The following MAGI1 variants were observed in gnomAD, a reference collection of about 807,000 sequenced individuals.
The protein encoded by MAGI1 is membrane-associated guanylate kinase, WW and PDZ domain-containing protein 1.
In MAGI1, 58 loss-of-function variants were observed where a neutral mutation model predicts 139.9. The observed-to-expected ratio is 0.41, with a 90% confidence interval of 0.34 to 0.52. The LOEUF (loss-of-function observed/expected upper bound fraction) is 0.52. MAGI1 is among the 20% of genes least tolerant of loss of function. MAGI1 has a pLI of 0.12. For missense variants in MAGI1, 1,874 were observed against 1,901.6 expected (o/e 0.99, Z 0.27); for synonymous variants, 812 against 737.9 (o/e 1.10, Z -1.63).
chr3:65,965,313 A>G (rs1373227030), intron 1 of MAGI1, among the ~76,000 whole-genome samples: 1 of 152,114 alleles, frequency 6.6e-6, no homozygotes, highest in Non-Finnish European at 1.5e-5. Context: ...ATTCCACGTT[A>G]CCCTTTTTAA....
chr3:66,022,246 A>T (rs1012689059), intron 1 of MAGI1, among the ~76,000 whole-genome samples: 3 of 152,194 alleles, frequency 2.0e-5, no homozygotes, highest in African/African-American at 7.2e-5. Context: ...AAAATGTCGC[A>T]GAAACAAATT....
At chr3:65,715,222 A>C (rs1042806780) in intron 1 of MAGI1, among the ~76,000 whole-genome samples, 7 of 152,214 alleles carry the variant, frequency 4.6e-5, no homozygotes, top group African/African-American at 1.7e-4. Context: ...TCAGATGCTA[A>C]ATTGGTGTAA....
intron 2 of MAGI1, among the ~76,000 whole-genome samples, chr3:65,528,542 T>C (rs2107831565): frequency 6.6e-6 from 1 of 152,330 alleles, no homozygotes; most frequent in Admixed American, 6.5e-5. Context: ...CAGAACCATC[T>C]GCATCTCAAT....
At position 65,430,850 on chromosome 3, in the gene MAGI1, C is replaced by A. The variant is rs531375857; in HGVS notation, c.1395G>T (p.Glu465Asp). ...GKPFFTRNPS[E>D]LKGKFIHTKL... ...TTGTGTGAATGAACTTGCCTTTCAA[C>A]TCAGAAGGGTTTCGTGTAAAAAAGG... Residue 465 changes from glutamate to aspartate, a missense_variant, in exon 11 of 23, where the codon GAG becomes GAT. Around this residue, in one of 5 missense-constraint regions of MAGI1, gnomAD observed 648 missense variants for 598.1 expected, o/e 1.08. Transcript: ENST00000402939. 1.2e-5 allele frequency: 19 copies of A among 1,613,442 alleles called. 1 individual carries two copies. The South Asian group carries it at 1.6e-4, about 14-fold the overall frequency.
At chr3:65,515,596 AATGTAGAATCT>A (rs2077829573) in intron 2 of MAGI1, among the ~76,000 whole-genome samples, 11 of 152,202 alleles carry the variant, frequency 7.2e-5, no homozygotes, top group Admixed American at 4.6e-4. Context: ...TGCTGTAGAC[AATGTAGAATCT>A]ACGAAAGAAC....
At chr3:65,935,075 G>C (rs921724497) in intron 1 of MAGI1, among the ~76,000 whole-genome samples, 1 of 152,132 alleles carries the variant, frequency 6.6e-6, no homozygotes. Flanking sequence ...AAGAAGAGAG[G>C]TTACAGTTCC....
chr3:66,013,779 A>C (rs2067474226), intron 1 of MAGI1, among the ~76,000 whole-genome samples: 2 of 151,992 alleles, frequency 1.3e-5, no homozygotes, highest in Admixed American at 1.3e-4. Flanking sequence ...AAAAAAAAGA[A>C]AGAAAGAAAT....
At chr3:65,726,518 G>A (rs949769207) in intron 1 of MAGI1, among the ~76,000 whole-genome samples, 3 of 152,146 alleles carry the variant, frequency 2.0e-5, no homozygotes, top group South Asian at 2.1e-4. Flanking sequence ...TTATGTTGAG[G>A]TATCAAGTTT....
chr3:65,399,550 G>A (rs1009624823), intron 13 of MAGI1, among the ~76,000 whole-genome samples: 1 of 152,184 alleles, frequency 6.6e-6, no homozygotes, highest in African/African-American at 2.4e-5. Context: ...CCCAAGCTGG[G>A]GGCTTATTAT....
At chr3:65,748,598 C>A (rs1253062081) in intron 1 of MAGI1, among the ~76,000 whole-genome samples, 2 of 152,180 alleles carry the variant, frequency 1.3e-5, no homozygotes, top group African/African-American at 4.8e-5. Flanking sequence ...ATTGTTTCAG[C>A]TGATACTTAT....
intron 1 of MAGI1, among the ~76,000 whole-genome samples, chr3:65,648,316 TGC>T (rs1553685618): frequency 1.9e-4 from 27 of 143,134 alleles, no homozygotes; most frequent in Non-Finnish European, 3.3e-4. Flanking sequence ...TGTGTGTGTG[TGC>T]GCGTGCGCGT....
At chr3:65,435,851 G>A (rs1367616121) in intron 10 of MAGI1, among the ~76,000 whole-genome samples, 1 of 152,078 alleles carries the variant, frequency 6.6e-6, no homozygotes, top group Non-Finnish European at 1.5e-5. Flanking sequence ...GCAAACAGAA[G>A]GAACAGCCTC....
At chr3:65,500,052 T>C (rs773141870) in intron 2 of MAGI1, among the ~76,000 whole-genome samples, 2 of 152,200 alleles carry the variant, frequency 1.3e-5, no homozygotes, top group Non-Finnish European at 2.9e-5. Context: ...GCAAACGACT[T>C]ATAGACTCCA....
At chr3:65,994,273 CA>C (rs35940908) in intron 1 of MAGI1, among the ~76,000 whole-genome samples, 246 of 109,380 alleles carry the variant, frequency 2.2e-3, no homozygotes, top group Non-Finnish European at 2.6e-3. Flanking sequence ...GACTCCATCT[CA>C]AAAAAAAAAA....
At chr3:65,741,610 A>G (rs969087273) in intron 1 of MAGI1, among the ~76,000 whole-genome samples, 1 of 152,234 alleles carries the variant, frequency 6.6e-6, no homozygotes, top group African/African-American at 2.4e-5. Context: ...GAGTAATTCT[A>G]TCTTCCTTGA....
intron 16 of MAGI1, 132 bp downstream of exon 16, chr3:65,381,745 G>A: frequency 1.2e-6 from 1 of 831,292 alleles, no homozygotes. Flanking sequence ...CAAGCCATCT[G>A]GAAATTCTGA....
intron 2 of MAGI1, among the ~76,000 whole-genome samples, chr3:65,525,315 C>G (rs1480612538): frequency 1.3e-5 from 2 of 152,186 alleles, no homozygotes; most frequent in African/African-American, 2.4e-5. Flanking sequence ...CACCCTCAAC[C>G]CTCAGTAGGT....
At chr3:65,752,708 A>G (rs1371184285) in intron 1 of MAGI1, among the ~76,000 whole-genome samples, 1 of 152,168 alleles carries the variant, frequency 6.6e-6, no homozygotes, top group Non-Finnish European at 1.5e-5. Flanking sequence ...ACTAGGCCTC[A>G]ACCTTAACCC....
At chr3:65,919,161 T>C (rs2062048195) in intron 1 of MAGI1, among the ~76,000 whole-genome samples, 1 of 152,212 alleles carries the variant, frequency 6.6e-6, no homozygotes, top group East Asian at 1.9e-4. Context: ...TAAACTAATT[T>C]CATTGAATTT....
Sources: allele counts gnomAD v4.1 joint callset (sites outside exome capture counted in the v4.1 genomes callset), GRCh38; gene constraint gnomAD v4.1.1; regional missense constraint gnomAD v4.1.1; transcripts MANE v1.5; gene names NCBI Gene and HGNC (gene_info 2026-07-23, HGNC 2026-07-21).